NRCAM: variants seen among roughly 807,000 people sequenced by gnomAD.
The protein encoded by NRCAM is NgCAM-related cell adhesion molecule.
In NRCAM, 83 loss-of-function variants were observed where a neutral mutation model predicts 156.5. That is an observed-to-expected ratio of 0.53 (90% confidence interval 0.44 to 0.64). NRCAM has a LOEUF of 0.64. Ranked by LOEUF, NRCAM falls within the 30% of genes least tolerant of loss-of-function variation. The pLI, the probability that NRCAM is intolerant of heterozygous loss-of-function variation, is 0.00. For synonymous variants in NRCAM, 538 were observed against 563.9 expected (o/e 0.95, Z 0.65); for missense variants, 1,417 against 1,597.3 (o/e 0.89, Z 1.92).
At chr7:108,231,613 A>G (rs17329871) in intron 7 of NRCAM, among the ~76,000 whole-genome samples, 6,696 of 152,330 alleles carry the variant, frequency 0.044, 202 homozygotes, top group Middle Eastern at 0.068. Flanking sequence ...GTTGTAAGAT[A>G]GTATTTCAGA....
chr7:108,252,595 G>C (rs2096413807), intron 3 of NRCAM, among the ~76,000 whole-genome samples: 1 of 152,174 alleles, frequency 6.6e-6, no homozygotes, highest in Admixed American at 6.5e-5. Flanking sequence ...TACTCAGCAG[G>C]AGCTTGGTTT....
chr7:108,224,992 T>G (rs2093192342), intron 10 of NRCAM, among the ~76,000 whole-genome samples: 1 of 152,162 alleles, frequency 6.6e-6, no homozygotes, highest in Admixed American at 6.5e-5. Flanking sequence ...AAGAGGACCC[T>G]TTATCCAAAA....
intron 10 of NRCAM, among the ~76,000 whole-genome samples, chr7:108,224,399 A>G (rs774081055): frequency 2.6e-5 from 4 of 152,140 alleles, no homozygotes; most frequent in Non-Finnish European, 4.4e-5. Flanking sequence ...GAGGTCTTGC[A>G]AATATTATGC....
At chr7:108,399,062 C>T (rs1383157813) in intron 2 of NRCAM, among the ~76,000 whole-genome samples, 1 of 152,054 alleles carries the variant, frequency 6.6e-6, no homozygotes, top group Non-Finnish European at 1.5e-5. Flanking sequence ...CTTAAAACAA[C>T]CCAAGAAGGT....
chr7:108,286,710 C>A lies in NRCAM; in HGVS notation c.-107+25955G>T, dbSNP rs183074572. Among the ~76,000 whole-genome samples, 12 of 152,186 alleles carry A rather than the reference C, an allele frequency of 7.9e-5. No individual in the cohort carries two copies. In the East Asian group the frequency reaches 2.3e-3, roughly 29 times the overall value. Reference sequence around the variant, plus strand: ...ACCATAATTCAGACACGATCAGGCACGCTCAGGGTGGTATGGCTGTAGATA... The same window carrying A: ...ACCATAATTCAGACACGATCAGGCAAGCTCAGGGTGGTATGGCTGTAGATA... On this transcript the variant is annotated intron_variant, in intron 3 of 32. Coordinates refer to ENST00000379028, the MANE Select transcript of NRCAM (RefSeq NM_001037132.4).
intron 28 of NRCAM, among the ~76,000 whole-genome samples, chr7:108,172,861 A>T (rs569386608): frequency 3.9e-5 from 6 of 152,248 alleles, no homozygotes; most frequent in Admixed American, 3.9e-4. Flanking sequence ...CATCTCTTAA[A>T]ATCTGTAAGA....
At chr7:108,212,781 G>A (rs1023229355) in intron 11 of NRCAM, among the ~76,000 whole-genome samples, 2 of 152,164 alleles carry the variant, frequency 1.3e-5, no homozygotes, top group African/African-American at 4.8e-5. Context: ...AATACTCAGT[G>A]TTCCTGAGGA....
chr7:108,242,032 G>C (rs2095561477), intron 3 of NRCAM, among the ~76,000 whole-genome samples: 1 of 151,946 alleles, frequency 6.6e-6, no homozygotes, highest in African/African-American at 2.4e-5. Flanking sequence ...CAAGCATTTT[G>C]GGAGGCCGAA....
chr7:108,348,907 A>G (rs1161627124), intron 2 of NRCAM, among the ~76,000 whole-genome samples: 1 of 27,528 alleles, frequency 3.6e-5, no homozygotes, highest in African/African-American at 9.5e-5. Context: ...CATCTCAGGA[A>G]AAAAAAAAAA....
intron 2 of NRCAM, among the ~76,000 whole-genome samples, chr7:108,334,111 CACA>C (rs2154253926): frequency 6.6e-6 from 1 of 152,194 alleles, no homozygotes; most frequent in South Asian, 2.1e-4. Context: ...TAATTTTTGT[CACA>C]ACATCAAGAA....
intron 1 of NRCAM, among the ~76,000 whole-genome samples, chr7:108,415,968 C>T (rs1428807396): frequency 6.6e-6 from 1 of 152,226 alleles, no homozygotes; most frequent in Non-Finnish European, 1.5e-5. Flanking sequence ...GTTATTTTTA[C>T]CCTCCAGTGT....
intron 3 of NRCAM, among the ~76,000 whole-genome samples, chr7:108,299,701 A>G (rs1272192990): frequency 2.0e-5 from 3 of 152,228 alleles, no homozygotes. Context: ...TTTGACTTCC[A>G]TATGAGACCT....
At chr7:108,177,701 G>A (rs1383979704) in intron 26 of NRCAM, among the ~76,000 whole-genome samples, 3 of 21,420 alleles carry the variant, frequency 1.4e-4, no homozygotes, top group South Asian at 1.7e-3. Context: ...ATATATACAC[G>A]TATATATATA....
chr7:108,347,032 G>GTTTTTT lies in NRCAM; in HGVS notation c.-173-34307_-173-34302dup, dbSNP rs754160030. 3.8e-3 allele frequency among the ~76,000 whole-genome samples: 317 copies of GTTTTTT among 83,052 alleles called. 23 individuals carry two copies. Among genetic ancestry groups the GTTTTTT allele is most frequent in the Middle Eastern group, 0.013 (1 of 78 alleles). 54.5% of individuals were successfully genotyped at this position (83,052 alleles called of 152,430 possible). A position where few individuals can be genotyped will look rare whatever the true frequency, so the allele number is the denominator to read the frequency against. On this transcript the variant is annotated intron_variant, in intron 2 of 32. Coordinates refer to ENST00000379028, the MANE Select transcript of NRCAM (RefSeq NM_001037132.4). The stretch of plus-strand genomic sequence containing the variant: ...CATATGTGACTCATATTATATTTCT[G>GTTTTTT]TTTTTTTTTTTTTTTTTTTTTTTGA...
intron 3 of NRCAM, among the ~76,000 whole-genome samples, chr7:108,249,337 A>G (rs1292367847): frequency 6.6e-6 from 1 of 152,224 alleles, no homozygotes; most frequent in Non-Finnish European, 1.5e-5. Context: ...AAACAGCTGA[A>G]AATTCTTCAT....
chr7:108,215,644 T>C (rs2087934448), intron 11 of NRCAM, among the ~76,000 whole-genome samples: 1 of 152,224 alleles, frequency 6.6e-6, no homozygotes, highest in African/African-American at 2.4e-5. Flanking sequence ...GTTGCATTGA[T>C]CCCTTTACCA....
chr7:108,173,224 G>A (rs571212149), intron 28 of NRCAM, among the ~76,000 whole-genome samples: 1 of 152,032 alleles, frequency 6.6e-6, no homozygotes, highest in Non-Finnish European at 1.5e-5. Flanking sequence ...GACCTCACGT[G>A]ATCTGCCCGC....
At position 108,181,809 on chromosome 7, in the gene NRCAM, C is replaced by T. The variant is rs747144197; in HGVS notation, c.2646+13G>A. 1.3e-6 allele frequency: 2 copies of T among 1,589,802 alleles called. No homozygotes were observed. Among genetic ancestry groups the T allele is most frequent in the Admixed American group, 3.3e-5 (2 of 59,836 alleles). Reference sequence around the variant, plus strand: ...TTACTAAATAAAGCCACAAAAGGTCCCCTTTCACTTGCCCGATAGCCTTGT... The same window carrying T: ...TTACTAAATAAAGCCACAAAAGGTCTCCTTTCACTTGCCCGATAGCCTTGT... On this transcript the variant is annotated intron_variant, in intron 24 of 32. Coordinates refer to ENST00000379028, the MANE Select transcript of NRCAM (RefSeq NM_001037132.4).
intron 2 of NRCAM, among the ~76,000 whole-genome samples, chr7:108,337,884 C>G (rs2099219728): frequency 6.6e-6 from 1 of 152,192 alleles, no homozygotes; most frequent in Admixed American, 6.5e-5. Context: ...AATATTGGAC[C>G]ACTTTCACTT....
Sources: gnomAD v4.1 joint callset for allele counts (sites outside exome capture counted in the v4.1 genomes callset) on GRCh38, gnomAD v4.1.1 for gene constraint, MANE v1.5 for transcripts, NCBI Gene and HGNC (gene_info 2026-07-23, HGNC 2026-07-21) for gene names.